Variants in ASTN2 observed in about 807,000 individuals in gnomAD.
ASTN2 encodes the protein astrotactin 2.
Under a neutral mutation model 139.8 loss-of-function variants are expected in ASTN2, and 54 were observed. That is an observed-to-expected ratio of 0.39 (90% CI 0.31 to 0.48). The LOEUF is 0.48. Among genes scored for constraint, ASTN2 ranks in the 20% least tolerant of loss-of-function variants. ASTN2 has a pLI of 0.95. For synonymous variants in ASTN2, 756 were observed against 719.5 expected (o/e 1.05, Z -0.81); for missense variants, 1,565 against 1,725.1 (o/e 0.91, Z 1.64).
At chr9:116,956,157 G>A (rs1204487136) in intron 10 of ASTN2, among the ~76,000 whole-genome samples, 3 of 143,162 alleles carry the variant, frequency 2.1e-5, no homozygotes, top group Non-Finnish European at 4.5e-5. Flanking sequence ...GTGCAATGGC[G>A]CGATGTTGGC....
chr9:116,468,131 A>G (rs1848706581), intron 20 of ASTN2, among the ~76,000 whole-genome samples: 1 of 152,090 alleles, frequency 6.6e-6, no homozygotes, highest in Admixed American at 6.6e-5. Flanking sequence ...TGTTATCCCC[A>G]CTGGAATGTG....
At chr9:116,830,085 C>T (rs1002048016) in intron 11 of ASTN2, among the ~76,000 whole-genome samples, 1 of 152,180 alleles carries the variant, frequency 6.6e-6, no homozygotes, top group Middle Eastern at 3.4e-3. Context: ...ATTGTGCACT[C>T]GACAAAGGTC....
At chr9:116,437,396 A>G (rs1355063063) in intron 22 of ASTN2, 2 of 471,190 alleles carry the variant, frequency 4.2e-6, no homozygotes, top group Middle Eastern at 3.2e-4. Flanking sequence ...ATCCTCCAGG[A>G]GACTAGAAAG....
At chr9:117,006,026 G>A (rs1837344558) in intron 7 of ASTN2, among the ~76,000 whole-genome samples, 1 of 152,236 alleles carries the variant, frequency 6.6e-6, no homozygotes, top group East Asian at 1.9e-4. Context: ...ACCACCAAGG[G>A]TGGCAGCCAG....
At chr9:117,185,256 A>G (rs907561401) in intron 3 of ASTN2, among the ~76,000 whole-genome samples, 3 of 152,342 alleles carry the variant, frequency 2.0e-5, no homozygotes, top group African/African-American at 7.2e-5. Flanking sequence ...TTGCTTTTGT[A>G]AAATGAAGAA....
chr9:117,090,831 T>C (rs1362155436), intron 5 of ASTN2, among the ~76,000 whole-genome samples: 1 of 152,236 alleles, frequency 6.6e-6, no homozygotes, highest in Non-Finnish European at 1.5e-5. Context: ...TCATGGGATA[T>C]GCTAAGAGAG....
At chr9:117,382,719 G>C (rs935953958) in intron 1 of ASTN2, among the ~76,000 whole-genome samples, 3 of 152,156 alleles carry the variant, frequency 2.0e-5, no homozygotes, top group African/African-American at 7.2e-5. Flanking sequence ...CAGGAAAATA[G>C]ACCACGATTA....
intron 5 of ASTN2, among the ~76,000 whole-genome samples, chr9:117,082,328 C>T (rs969552570): frequency 2.0e-5 from 3 of 152,136 alleles, no homozygotes; most frequent in Non-Finnish European, 4.4e-5. Flanking sequence ...CAGTGGCTCA[C>T]CTTCTTGGAG....
At chr9:116,552,770 A>G (rs901041576) in intron 19 of ASTN2, among the ~76,000 whole-genome samples, 2 of 152,130 alleles carry the variant, frequency 1.3e-5, no homozygotes, top group African/African-American at 4.8e-5. Flanking sequence ...GGTGCCCTAA[A>G]ACTTGGCATC....
intron 7 of ASTN2, among the ~76,000 whole-genome samples, chr9:116,995,948 T>C (rs1837000620): frequency 6.6e-6 from 1 of 152,170 alleles, no homozygotes; most frequent in Non-Finnish European, 1.5e-5. Context: ...TCAAGCACTC[T>C]GCTCACCTCA....
At chr9:117,113,904 G>A (rs1474349526) in intron 4 of ASTN2, among the ~76,000 whole-genome samples, 1 of 152,058 alleles carries the variant, frequency 6.6e-6, no homozygotes, top group African/African-American at 2.4e-5. Flanking sequence ...GGAATCTTTT[G>A]GGGGTGAAGG....
chr9:116,968,283 G>A (rs1299763608), intron 10 of ASTN2, among the ~76,000 whole-genome samples: 1 of 152,126 alleles, frequency 6.6e-6, no homozygotes, highest in Non-Finnish European at 1.5e-5. Flanking sequence ...TGCATTTGTT[G>A]AGGATTGCAC....
intron 10 of ASTN2, among the ~76,000 whole-genome samples, chr9:116,898,085 G>C (rs564718200): frequency 6.6e-6 from 1 of 151,974 alleles, no homozygotes; most frequent in African/African-American, 2.4e-5. Flanking sequence ...ACGTAGCCTA[G>C]TATCACAGGA....
At chr9:116,622,439 A>T (rs1279419887) in intron 17 of ASTN2, among the ~76,000 whole-genome samples, 1 of 152,258 alleles carries the variant, frequency 6.6e-6, no homozygotes, top group Non-Finnish European at 1.5e-5. Flanking sequence ...AAAAACACTA[A>T]ATGGCACAGC....
intron 12 of ASTN2, among the ~76,000 whole-genome samples, chr9:116,815,858 T>C (rs1219375626): frequency 8.0e-6 from 1 of 125,134 alleles, no homozygotes; most frequent in Non-Finnish European, 1.7e-5. Flanking sequence ...ATCTCTTACA[T>C]AGGAATATAT....
intron 19 of ASTN2, among the ~76,000 whole-genome samples, chr9:116,604,011 C>G (rs1278712911): frequency 1.3e-5 from 2 of 152,156 alleles, no homozygotes; most frequent in African/African-American, 4.8e-5. Flanking sequence ...GACTGAATTT[C>G]AAATCTCTCT....
intron 17 of ASTN2, among the ~76,000 whole-genome samples, chr9:116,630,594 C>T (rs1056335675): frequency 2.0e-5 from 3 of 151,918 alleles, no homozygotes; most frequent in East Asian, 1.9e-4. Flanking sequence ...TCCTTCTTTG[C>T]GACAACCAAA....
intron 19 of ASTN2, among the ~76,000 whole-genome samples, chr9:116,559,081 C>T (rs1852779138): frequency 6.6e-6 from 1 of 152,132 alleles, no homozygotes; most frequent in African/African-American, 2.4e-5. Context: ...TTATGTGCTT[C>T]CTTGCCAGGC....
intron 4 of ASTN2, among the ~76,000 whole-genome samples, chr9:117,136,729 A>G (rs1829960443): frequency 6.6e-6 from 1 of 152,172 alleles, no homozygotes; most frequent in South Asian, 2.1e-4. Context: ...GAAGGGGAAG[A>G]TGGATTTATG....
Sources: allele counts gnomAD v4.1 joint callset (sites outside exome capture counted in the v4.1 genomes callset), GRCh38; gene constraint gnomAD v4.1.1; transcripts MANE v1.5; gene names NCBI Gene and HGNC (gene_info 2026-07-23, HGNC 2026-07-21).